The following THSD7B variants were observed in gnomAD, a reference collection of about 807,000 sequenced individuals.
THSD7B encodes the protein thrombospondin type 1 domain containing 7B.
A neutral mutation model predicts 213.6 loss-of-function variants in THSD7B; 138 were observed. That is an observed-to-expected ratio of 0.65 (90% CI 0.56 to 0.74). The LOEUF (loss-of-function observed/expected upper bound fraction) is 0.74. THSD7B is among the 30% of genes least tolerant of loss of function. The pLI is 0.00. For synonymous variants in THSD7B, 742 were observed against 687.0 expected, an observed-to-expected ratio of 1.08 and a Z score of -1.25; for missense variants, 1,931 against 1,991.5, an observed-to-expected ratio of 0.97 and a Z score of 0.58.
intron 7 of THSD7B, 52 bp from the exon 8 acceptor site, chr2:137,230,992 T>C: frequency 6.5e-7 from 1 of 1,543,786 alleles, no homozygotes; most frequent in Non-Finnish European, 8.9e-7. Flanking sequence ...GATAAAGCAG[T>C]GAGGCTTGAT....
rs190731598 is a variant in THSD7B, at chr2:136,893,530, G to T, written c.139+11213G>T. 4.1e-4 allele frequency among the ~76,000 whole-genome samples: 62 copies of T among 152,286 alleles called. No homozygotes were observed. In the Middle Eastern group the frequency reaches 0.01, roughly 25 times the overall value. Reference sequence around the variant, plus strand: ...AGTTCAAAACAAGTCAGACATATCAGAGTGGAATTGAATCATAAACTAAAG... The same window carrying T: ...AGTTCAAAACAAGTCAGACATATCATAGTGGAATTGAATCATAAACTAAAG... On this transcript the variant is annotated intron_variant, in intron 2 of 27. Transcript: ENST00000409968.
At chr2:137,628,945 A>G (rs1238889102) in intron 20 of THSD7B, among the ~76,000 whole-genome samples, 1 of 152,088 alleles carries the variant, frequency 6.6e-6, no homozygotes, top group Non-Finnish European at 1.5e-5. Flanking sequence ...ACCTCTCACC[A>G]TCATCCCCAT....
intron 14 of THSD7B, among the ~76,000 whole-genome samples, chr2:137,448,836 C>CAACAACAACAACAAAAAA (rs765115799): frequency 6.8e-6 from 1 of 147,478 alleles, no homozygotes; most frequent in African/African-American, 2.5e-5. Flanking sequence ...ACAACAACAA[C>CAACAACAACAACAAAAAA]AAAAACTACC....
intron 12 of THSD7B, among the ~76,000 whole-genome samples, chr2:137,383,556 GTT>G (rs974248716): frequency 5.9e-5 from 9 of 152,240 alleles, no homozygotes; most frequent in African/African-American, 2.2e-4. Context: ...GACTCAGCGA[GTT>G]TGGAGCGCAG....
chr2:136,917,110 A>G (rs1280478480), intron 2 of THSD7B, among the ~76,000 whole-genome samples: 2 of 152,178 alleles, frequency 1.3e-5, no homozygotes, highest in Non-Finnish European at 2.9e-5. Flanking sequence ...CATCAGAAAC[A>G]TTTTTGACTA....
chr2:137,250,162 G>A (rs1300429164), intron 10 of THSD7B, among the ~76,000 whole-genome samples: 1 of 152,102 alleles, frequency 6.6e-6, no homozygotes, highest in East Asian at 1.9e-4. Context: ...GCATAGTTTT[G>A]CTTTATTTCA....
chr2:136,904,637 G>C (rs2043068), intron 2 of THSD7B, among the ~76,000 whole-genome samples: 80,027 of 152,086 alleles, frequency 0.53, 22,237 homozygotes, highest in East Asian at 0.83. Context: ...AACACTCAGG[G>C]GTGGGATAGC....
intron 5 of THSD7B, among the ~76,000 whole-genome samples, chr2:137,152,789 G>A (rs1679843298): frequency 6.6e-6 from 1 of 152,136 alleles, no homozygotes; most frequent in African/African-American, 2.4e-5. Context: ...TGGACCTTTT[G>A]AAAGCTCCCC....
chr2:137,418,058 A>G lies in THSD7B; in HGVS notation c.2959+6186A>G, dbSNP rs144869524. On this transcript the variant is annotated intron_variant, in intron 14 of 27. Transcript: ENST00000409968. The stretch of plus-strand genomic sequence containing the variant: ...TTGACAAGATAAAGAATATGTTTCT[A>G]TGTTTTCGTGTTGTGATTTTGCCTC... 9.6e-3 allele frequency among the ~76,000 whole-genome samples: 1,464 copies of G among 152,284 alleles called. 8 individuals carry two copies. Among genetic ancestry groups the G allele is most frequent in the South Asian group, 0.022 (105 of 4,822 alleles).
intron 1 of THSD7B, among the ~76,000 whole-genome samples, chr2:136,870,839 T>C (rs982343794): frequency 1.3e-5 from 2 of 152,118 alleles, no homozygotes; most frequent in African/African-American, 4.8e-5. Context: ...ACTAGAGGAT[T>C]TTGTAGAGGA....
intron 7 of THSD7B, among the ~76,000 whole-genome samples, chr2:137,225,174 C>A (rs1479794280): frequency 6.6e-6 from 1 of 152,178 alleles, no homozygotes; most frequent in Non-Finnish European, 1.5e-5. Context: ...CTGAATCTCC[C>A]TACTTGAGTC....
chr2:137,307,350 G>A (rs942020144), intron 12 of THSD7B, among the ~76,000 whole-genome samples: 1 of 152,006 alleles, frequency 6.6e-6, no homozygotes, highest in African/African-American at 2.4e-5. Flanking sequence ...AGCCCGCCCA[G>A]AATGAGAGGG....
rs1035977306 is a variant in THSD7B at position 136,794,603 on chromosome 2, G to A, written c.-36+28916G>A. 3.3e-5 allele frequency among the ~76,000 whole-genome samples: 5 copies of A among 152,006 alleles called. No homozygotes were observed. The East Asian group carries it at 9.7e-4, about 29-fold the overall frequency. On this transcript the variant is annotated intron_variant, in intron 1 of 27. Coordinates refer to ENST00000409968, the MANE Select transcript of THSD7B (RefSeq NM_001316349.2). ...CTTGAGATTCATTGTTTTGCTTTAT[G>A]ACCAAATGCATGCTTTATTTTGGAA...
At chr2:137,036,414 C>T (rs374970877) in intron 2 of THSD7B, among the ~76,000 whole-genome samples, 2 of 152,078 alleles carry the variant, frequency 1.3e-5, no homozygotes, top group East Asian at 3.8e-4. Context: ...TTCTCAGTTA[C>T]ACTATCAAAT....
intron 10 of THSD7B, among the ~76,000 whole-genome samples, chr2:137,262,585 T>C (rs2105084166): frequency 6.6e-6 from 1 of 152,332 alleles, no homozygotes; most frequent in South Asian, 2.1e-4. Context: ...ATTCCAATCA[T>C]ACCCTTTATG....
chr2:137,086,960 A>G (rs1016422904), intron 3 of THSD7B, among the ~76,000 whole-genome samples: 1 of 152,230 alleles, frequency 6.6e-6, no homozygotes, highest in African/African-American at 2.4e-5. Flanking sequence ...TCAATACATC[A>G]TCCTGTGGAT....
chr2:136,832,201 G>A (rs1649526), intron 1 of THSD7B, among the ~76,000 whole-genome samples: 5,459 of 146,418 alleles, frequency 0.037, 276 homozygotes, highest in East Asian at 0.11. Flanking sequence ...GTGTGTGTGT[G>A]TATACACACA....
At chr2:137,297,816 T>C (rs1683502808) in intron 12 of THSD7B, among the ~76,000 whole-genome samples, 1 of 152,174 alleles carries the variant, frequency 6.6e-6, no homozygotes, top group African/African-American at 2.4e-5. Flanking sequence ...GAAGTGTTTT[T>C]AGCCTTCTGC....
intron 2 of THSD7B, among the ~76,000 whole-genome samples, chr2:136,977,123 AT>A (rs1349766552): frequency 1.1e-4 from 16 of 152,104 alleles, no homozygotes; most frequent in African/African-American, 3.4e-4. Context: ...TTGATAGGCT[AT>A]TACTGCCTCA....
Sources: allele counts gnomAD v4.1 joint callset (sites outside exome capture counted in the v4.1 genomes callset), GRCh38; gene constraint gnomAD v4.1.1; transcripts MANE v1.5; gene names NCBI Gene and HGNC (gene_info 2026-07-23, HGNC 2026-07-21).